Variants in HDAC4 observed in about 807,000 individuals in gnomAD.
The protein encoded by HDAC4 is histone deacetylase A.
In HDAC4, 16 loss-of-function variants were observed where a neutral mutation model predicts 135.1. The observed-to-expected ratio is 0.12, with a 90% CI of 0.08 to 0.18. The LOEUF is 0.18. HDAC4 is among the 10% of genes least tolerant of loss of function. The pLI is 1.00. For synonymous variants in HDAC4, 685 were observed against 653.4 expected, an observed-to-expected ratio of 1.05 and a Z score of -0.74; for missense variants, 1,143 against 1,511.8, an observed-to-expected ratio of 0.76 and a Z score of 4.05.
intron 12 of HDAC4, among the ~76,000 whole-genome samples, chr2:239,120,583 A>G (rs1452373459): frequency 9.7e-6 from 1 of 102,638 alleles, no homozygotes; most frequent in African/African-American, 3.6e-5. Flanking sequence ...CAAGGGGAGA[A>G]GGAGGAAGGT....
At chr2:239,252,242 A>G (rs2048822708) in intron 2 of HDAC4, among the ~76,000 whole-genome samples, 1 of 152,236 alleles carries the variant, frequency 6.6e-6, no homozygotes. Flanking sequence ...CTGTGATGCC[A>G]CATGAGCCAG....
At position 239,240,744 on chromosome 2, in the gene HDAC4, C is replaced by T. The variant is rs1184246416; in HGVS notation, c.23-4080G>A. Among the ~76,000 whole-genome samples, 1 of 152,182 alleles carries T rather than the reference C, an allele frequency of 6.6e-6. No individual in the cohort carries two copies. Among genetic ancestry groups the T allele is most frequent in the African/African-American group, 2.4e-5 (1 of 41,442 alleles). ...TGTCCTCACCAGCACATGATGTGCC[C>T]CAGTGTGCTCAATGCACCCACAGTC... On this transcript the variant is annotated intron_variant, in intron 2 of 26. Coordinates refer to ENST00000543185, the MANE Select transcript of HDAC4 (RefSeq NM_001378414.1). The surrounding 1 kb of genome is among the most constrained non-coding windows in gnomAD (Gnocchi z 4.5).
intron 13 of HDAC4, among the ~76,000 whole-genome samples, chr2:239,112,873 T>G (rs1442235366): frequency 6.6e-6 from 1 of 152,198 alleles, no homozygotes; most frequent in Admixed American, 6.5e-5. Context: ...AGCCCAGCCC[T>G]GTGCTGCCAG....
At chr2:239,390,137 C>T (rs565544140) in intron 1 of HDAC4, among the ~76,000 whole-genome samples, 8 of 152,262 alleles carry the variant, frequency 5.3e-5, no homozygotes, top group African/African-American at 1.9e-4. Context: ...CCTCCTCCGG[C>T]ACTTTCTAGG....
intron 2 of HDAC4, among the ~76,000 whole-genome samples, chr2:239,340,484 G>A (rs1191298006): frequency 6.6e-6 from 1 of 152,152 alleles, no homozygotes; most frequent in Non-Finnish European, 1.5e-5. Context: ...GACAGAGGAG[G>A]ACCATGGTGG....
intron 2 of HDAC4, among the ~76,000 whole-genome samples, chr2:239,281,148 A>AACACACCACTCTACACACAATGT (rs1559321886): frequency 8.0e-6 from 1 of 125,022 alleles, no homozygotes; most frequent in Non-Finnish European, 1.7e-5. Flanking sequence ...CTCTACAATG[A>AACACACCACTCTACACACAATGT]ACACACCACT....
chr2:239,176,896 T>C (rs2043811594), intron 4 of HDAC4, among the ~76,000 whole-genome samples: 1 of 152,078 alleles, frequency 6.6e-6, no homozygotes, highest in Non-Finnish European at 1.5e-5. Context: ...GAGCGTGAAA[T>C]GGTACAACCA....
At chr2:239,097,285 G>A (rs2037197377) in intron 16 of HDAC4, among the ~76,000 whole-genome samples, 1 of 152,210 alleles carries the variant, frequency 6.6e-6, no homozygotes, top group Non-Finnish European at 1.5e-5. Flanking sequence ...TCCCTGCAGC[G>A]CTCAGCAGGC....
chr2:239,126,180 C>T (rs1277765107), intron 12 of HDAC4, among the ~76,000 whole-genome samples: 3 of 152,180 alleles, frequency 2.0e-5, no homozygotes, highest in South Asian at 2.1e-4. Context: ...ACTGGTCCAA[C>T]GGAACTCACA....
At chr2:239,088,360 G>A (rs765653319) in intron 18 of HDAC4, among the ~76,000 whole-genome samples, 3 of 152,230 alleles carry the variant, frequency 2.0e-5, no homozygotes, top group African/African-American at 4.8e-5. Context: ...GGGGTGAGCC[G>A]GACGCCGCAG....
intron 2 of HDAC4, among the ~76,000 whole-genome samples, chr2:239,284,773 G>C (rs1028113361): frequency 1.3e-5 from 2 of 152,232 alleles, no homozygotes; most frequent in Non-Finnish European, 2.9e-5. Context: ...CTGGAGACCA[G>C]TGTCCCGGTT....
chr2:239,191,941 CGTT>C (rs1559205775), intron 3 of HDAC4, among the ~76,000 whole-genome samples: 2 of 152,218 alleles, frequency 1.3e-5, no homozygotes, highest in African/African-American at 4.8e-5. Flanking sequence ...CGGGCTGCCT[CGTT>C]GTTATTGTTG....
Position 239,127,114 on chromosome 2 carries a change from G to A in HDAC4, c.1295-420C>T, listed in dbSNP as rs1490782428. ...CAGTGTGCTGAGGAAGGCTGCCACG[G>A]TTCTGGGAGCCTCCACATATTTCCA... On this transcript the variant is annotated intron_variant, in intron 11 of 26. Transcript: ENST00000543185. 3.3e-5 allele frequency among the ~76,000 whole-genome samples: 5 copies of A among 152,226 alleles called. No homozygotes were observed. In the East Asian group the frequency reaches 9.6e-4, roughly 29 times the overall value.
intron 4 of HDAC4, among the ~76,000 whole-genome samples, chr2:239,184,069 T>TAA (rs58952360): frequency 0.087 from 6,181 of 71,336 alleles, 861 homozygotes; most frequent in Non-Finnish European, 0.11. Context: ...CTTGCTAGTG[T>TAA]AAAAAAAAAA....
chr2:239,384,158 C>T (rs1269723064), intron 1 of HDAC4, among the ~76,000 whole-genome samples: 2 of 152,190 alleles, frequency 1.3e-5, no homozygotes, highest in African/African-American at 4.8e-5. Flanking sequence ...GGAAAGACAC[C>T]CAGGCTAATA....
intron 2 of HDAC4, among the ~76,000 whole-genome samples, chr2:239,286,776 G>C (rs776100878): frequency 6.6e-6 from 1 of 152,042 alleles, no homozygotes; most frequent in East Asian, 1.9e-4. Flanking sequence ...GAGGTAGGCC[G>C]GCCAAGGATG....
At position 239,048,642 on chromosome 2, in the gene HDAC4, T is replaced by C. The variant is rs561960524; in HGVS notation, c.*4455A>G. On this transcript the variant is annotated 3_prime_UTR_variant, in exon 27 of 27. Transcript: ENST00000543185. ...CAATTGGAAAATAGCGCCTCCACTA[T>C]GGAGCACACACGGCAAAAAAAACAA... The C allele has an allele frequency of 2.6e-5, 4 of 152,186 alleles. No individual in the cohort carries two copies. The highest frequency in any genetic ancestry group is 5.9e-5 in the Non-Finnish European group (4 of 68,032). 9.4% of individuals were successfully genotyped at this position (152,186 alleles called of 1,614,324 possible).
chr2:239,175,906 G>A (rs1416738219), intron 5 of HDAC4, among the ~76,000 whole-genome samples: 1 of 152,162 alleles, frequency 6.6e-6, no homozygotes, highest in African/African-American at 2.4e-5. Context: ...TGCAGCCCTG[G>A]ATGAAGATAA....
chr2:239,124,860 G>A (rs371949710), intron 12 of HDAC4, among the ~76,000 whole-genome samples: 1 of 71,872 alleles, frequency 1.4e-5, no homozygotes, highest in Non-Finnish European at 2.8e-5. Flanking sequence ...ATGACATTCT[G>A]GTGTGCTGGC....
Sources: allele counts gnomAD v4.1 joint callset (sites outside exome capture counted in the v4.1 genomes callset), GRCh38; gene constraint gnomAD v4.1.1; non-coding constraint Gnocchi (gnomAD v3.1); transcripts MANE v1.5; gene names NCBI Gene and HGNC (gene_info 2026-07-23, HGNC 2026-07-21).